SCOC: variants seen among roughly 807,000 people sequenced by gnomAD.
SCOC encodes short coiled-coil protein.
SCOC carries 7 observed loss-of-function variants against 9.9 expected under a neutral mutation model. The ratio of observed to expected loss-of-function variants is 0.71; its 90% CI spans 0.40 to 1.33. SCOC has a LOEUF of 1.33. Ranked by LOEUF, SCOC falls within the 40% of genes most tolerant of loss-of-function variation. The pLI, the probability that SCOC is intolerant of heterozygous loss-of-function variation, is 0.01. For synonymous variants in SCOC, 19 were observed against 28.2 expected (o/e 0.67, Z 1.03); for missense variants, 66 against 89.7 (o/e 0.74, Z 1.07).
At chr4:140,298,032 C>T (rs1560689338) in intron 1 of SCOC, among the ~76,000 whole-genome samples, 1 of 152,172 alleles carries the variant, frequency 6.6e-6, no homozygotes, top group African/African-American at 2.4e-5. Flanking sequence ...CCCCAGCCTC[C>T]CCCAGCCCCT....
rs908893395 is a variant in SCOC at position 140,374,151 on chromosome 4, G to T, written c.-51+434G>T. On this transcript the variant is annotated intron_variant, in intron 1 of 3. Coordinates refer to ENST00000608372, the MANE Select transcript of SCOC (RefSeq NM_001153484.2). ...CTGAGAGATGGGAGGGGAGGCTGAG[G>T]TGGGGAGGGAGCCTAGAGAGCCGTA... 3 of 462,454 alleles carry T rather than the reference G, an allele frequency of 6.5e-6. No homozygotes were observed. In the Admixed American group the frequency reaches 7.0e-5, roughly 11 times the overall value. The allele number at this position is 462,454 out of a possible 1,614,324, so 28.6% of individuals were successfully genotyped here.
chr4:140,281,299 G>T (rs147309314), intron 1 of SCOC, among the ~76,000 whole-genome samples: 16 of 152,180 alleles, frequency 1.1e-4, no homozygotes, highest in African/African-American at 3.4e-4. Context: ...GGAATTTTAC[G>T]CTAATGAGAC....
At chr4:140,336,987 C>A (rs1732975628) in intron 1 of SCOC, among the ~76,000 whole-genome samples, 1 of 152,130 alleles carries the variant, frequency 6.6e-6, no homozygotes, top group South Asian at 2.1e-4. Context: ...TCCTTCATTA[C>A]CAAAGATGTT....
chr4:140,282,817 G>C (rs879063097), intron 1 of SCOC, among the ~76,000 whole-genome samples: 3 of 152,220 alleles, frequency 2.0e-5, no homozygotes, highest in African/African-American at 7.2e-5. Flanking sequence ...AATCTCTTAA[G>C]CTCCGACTCC....
rs554170651 is a variant in SCOC at position 140,260,058 on chromosome 4, AT to A, written c.-19+2653del. 2.0e-5 allele frequency among the ~76,000 whole-genome samples: 3 copies of A among 152,150 alleles called. No homozygotes were observed. In the South Asian group the frequency reaches 6.2e-4, roughly 31 times the overall value. On this transcript the variant is annotated intron_variant, in intron 1 of 4. Transcript: ENST00000394205. ...TCTCCACAGAATACCCTGAGACATT[AT>A]TTTTATATAATTAATTTTGAGCACT...
At chr4:140,284,129 G>A (rs1371418406) in intron 1 of SCOC, 1 of 152,048 alleles carries the variant, frequency 6.6e-6, no homozygotes, top group Admixed American at 6.6e-5. Context: ...GAGACTGAGT[G>A]AAGGCAATTT....
chr4:140,284,973 T>C, intron 1 of SCOC: 2 of 280,106 alleles, frequency 7.1e-6, no homozygotes, highest in South Asian at 7.6e-5. Flanking sequence ...AATTTAAGTC[T>C]CCTATTCATT....
intron 1 of SCOC, among the ~76,000 whole-genome samples, chr4:140,273,960 T>C (rs1730920176): frequency 6.6e-6 from 1 of 152,232 alleles, no homozygotes; most frequent in Non-Finnish European, 1.5e-5. Context: ...CCTATTTGAC[T>C]TTGATAAGTC....
chr4:140,276,985 A>G (rs977515171), intron 1 of SCOC, among the ~76,000 whole-genome samples: 2 of 152,208 alleles, frequency 1.3e-5, no homozygotes, highest in Non-Finnish European at 2.9e-5. Context: ...TTAAGGATCA[A>G]TTTGCAAACT....
intron 1 of SCOC, among the ~76,000 whole-genome samples, chr4:140,312,296 G>A (rs928670651): frequency 6.6e-6 from 1 of 152,000 alleles, no homozygotes; most frequent in Non-Finnish European, 1.5e-5. Context: ...AGACTTTCTC[G>A]TTCACTGATC....
At chr4:140,289,078 G>T (rs1428348519) in intron 1 of SCOC, among the ~76,000 whole-genome samples, 1 of 152,136 alleles carries the variant, frequency 6.6e-6, no homozygotes, top group Non-Finnish European at 1.5e-5. Flanking sequence ...TAACACAGAT[G>T]CTAGGAGACA....
At chr4:140,297,009 C>T (rs1430357800) in intron 1 of SCOC, among the ~76,000 whole-genome samples, 1 of 152,148 alleles carries the variant, frequency 6.6e-6, no homozygotes, top group Non-Finnish European at 1.5e-5. Context: ...CTGCTGCAGC[C>T]TCATCGCACA....
At chr4:140,357,145 CT>C (rs1205353191) in intron 2 of SCOC, among the ~76,000 whole-genome samples, 1 of 151,510 alleles carries the variant, frequency 6.6e-6, no homozygotes, top group Non-Finnish European at 1.5e-5. Flanking sequence ...AATTTTTGTA[CT>C]TTTTTTTAGT....
At chr4:140,357,207 C>T (rs1216839532) in intron 2 of SCOC, among the ~76,000 whole-genome samples, 1 of 152,150 alleles carries the variant, frequency 6.6e-6, no homozygotes, top group Non-Finnish European at 1.5e-5. Context: ...CTCCTGACCT[C>T]AAGTGGTCTG....
At chr4:140,338,461 A>G (rs1363964562), upstream of SCOC, among the ~76,000 whole-genome samples, 1 of 152,180 alleles carries the variant, frequency 6.6e-6, no homozygotes, top group Non-Finnish European at 1.5e-5. Context: ...CAATCAGGCA[A>G]GAGAAAGAAA....
upstream of SCOC, among the ~76,000 whole-genome samples, chr4:140,369,857 ATTTTTTTTTTTTTTTTTTT>A (rs540817613): frequency 4.1e-4 from 13 of 31,418 alleles, no homozygotes; most frequent in African/African-American, 1.2e-3. Flanking sequence ...CAGAAGGGGG[ATTTTTTTTTTTTTTTTTTT>A]TTTTTTTTTT....
At position 140,384,757 on chromosome 4, in the gene SCOC, A is replaced by C. The variant is rs1728655352; in HGVS notation, c.*3653A>C. ...ACATGCTGGTAGAATAATGTTTGGT[A>C]GGGAAAAATCAGCATACTCCTTGTT... On this transcript the variant is annotated 3_prime_UTR_variant, in exon 4 of 4. Transcript: ENST00000608372. The C allele has an allele frequency of 6.6e-6, 1 of 152,174 alleles. No individual in the cohort carries two copies. Among genetic ancestry groups the C allele is most frequent in the South Asian group, 2.1e-4 (1 of 4,818 alleles). 9.4% of individuals were successfully genotyped at this position (152,174 alleles called of 1,614,324 possible).
intron 2 of SCOC, among the ~76,000 whole-genome samples, chr4:140,343,925 G>A (rs1716009764): frequency 7.2e-6 from 1 of 138,388 alleles, no homozygotes; most frequent in African/African-American, 2.5e-5. Flanking sequence ...TATATAACAT[G>A]TACTTTTTAA....
chr4:140,270,441 C>T (rs1730818140), intron 1 of SCOC, among the ~76,000 whole-genome samples: 1 of 152,150 alleles, frequency 6.6e-6, no homozygotes, highest in Non-Finnish European at 1.5e-5. Flanking sequence ...TCAAGGGATC[C>T]TCCCACCTTA....
Sources: gnomAD v4.1 joint callset for allele counts (sites outside exome capture counted in the v4.1 genomes callset) on GRCh38, gnomAD v4.1.1 for gene constraint, MANE v1.5 for transcripts, NCBI Gene and HGNC (gene_info 2026-07-23, HGNC 2026-07-21) for gene names.